Variants in DARS2 observed in about 807,000 individuals in gnomAD.
DARS2 encodes the protein aspartate--tRNA ligase, mitochondrial.
DARS2 carries 63 observed loss-of-function variants against 83.0 expected under a neutral mutation model. The observed-to-expected ratio is 0.76, with a 90% CI of 0.62 to 0.94. The LOEUF is 0.94. DARS2 is among the 40% of genes least tolerant of loss of function. The probability of loss-of-function intolerance (pLI) is 0.00; values close to 1 mark genes in which losing one functional copy is unlikely to be tolerated. For missense variants in DARS2, 675 were observed against 774.4 expected (o/e 0.87, Z 1.52); for synonymous variants, 250 against 269.3 (o/e 0.93, Z 0.70).
intron 2 of DARS2, among the ~76,000 whole-genome samples, chr1:173,827,084 G>A (rs1347459367): frequency 6.6e-6 from 1 of 152,148 alleles, no homozygotes; most frequent in East Asian, 1.9e-4. Context: ...GGCTTACTAA[G>A]ACTGAAGAGT....
chr1:173,832,731 T>C (rs1242369982), intron 5 of DARS2, among the ~76,000 whole-genome samples: 1 of 142,800 alleles, frequency 7.0e-6, no homozygotes, highest in East Asian at 2.0e-4. Context: ...ATCATGCCAC[T>C]GCACTCCAGC....
chr1:173,828,100 C>T (rs1652651569), intron 2 of DARS2, among the ~76,000 whole-genome samples: 1 of 151,728 alleles, frequency 6.6e-6, no homozygotes, highest in East Asian at 1.9e-4. Context: ...AAAATTGAAA[C>T]TGAAATAAAA....
chr1:173,831,169 C>T (rs976050217), intron 4 of DARS2, among the ~76,000 whole-genome samples: 1 of 151,682 alleles, frequency 6.6e-6, no homozygotes, highest in Non-Finnish European at 1.5e-5. Flanking sequence ...CCCATCTCAG[C>T]CTCCCAAAGT....
Position 173,825,281 on chromosome 1 carries a change from A to G in DARS2, c.52A>G (p.Ile18Val). The G allele has an allele frequency of 1.9e-6, 3 of 1,613,776 alleles. No individual in the cohort carries two copies. The highest frequency in any genetic ancestry group is 1.1e-5 in the South Asian group (1 of 91,080). ...SQLYRGLSRP[I>V]RRTTQPIWGS... ...GCTGTACAGGGGTTTATCCAGACCC[A>G]TCAGAAGGACCACCCAACCGATCTG... Residue 18 changes from isoleucine to valine, a missense_variant, in exon 1 of 17, where the codon ATC becomes GTC. Ile to Val is a conservative substitution (Grantham distance 29). Transcript: ENST00000649689.
chr1:173,848,605 T>C (rs1246780303), intron 12 of DARS2, among the ~76,000 whole-genome samples: 1 of 152,242 alleles, frequency 6.6e-6, no homozygotes, highest in Admixed American at 6.5e-5. Context: ...CTTTACTTTC[T>C]TCTCCCATCT....
chr1:173,851,379 G>GA (rs1185861887), intron 13 of DARS2, among the ~76,000 whole-genome samples: 1 of 151,930 alleles, frequency 6.6e-6, no homozygotes, highest in Non-Finnish European at 1.5e-5. Context: ...ATATAACCAT[G>GA]AAAAAATATT....
chr1:173,849,459 G>T (rs1269670503), intron 12 of DARS2, among the ~76,000 whole-genome samples: 1 of 150,380 alleles, frequency 6.6e-6, no homozygotes, highest in Non-Finnish European at 1.5e-5. Context: ...GCTTGAACCC[G>T]AGAGGCAGAC....
chr1:173,827,210 A>G (rs921272194), intron 2 of DARS2, among the ~76,000 whole-genome samples: 4 of 152,240 alleles, frequency 2.6e-5, no homozygotes, highest in Non-Finnish European at 4.4e-5. Context: ...GCCTAGAAAC[A>G]TAAACAGTGA....
chr1:173,841,009 T>C (rs112376274), intron 11 of DARS2, 36 bp downstream of exon 11: 2 of 1,237,370 alleles, frequency 1.6e-6, no homozygotes. Context: ...CTCTAGAATG[T>C]ATGCTTTGGA....
intron 13 of DARS2, among the ~76,000 whole-genome samples, chr1:173,851,438 T>G (rs1223097288): frequency 6.6e-6 from 1 of 152,104 alleles, no homozygotes; most frequent in Admixed American, 6.6e-5. Context: ...TCTCAAATTT[T>G]TATACATCAT....
In DARS2 at chr1:173,844,669, C is replaced by CAAAAAAAAA. The variant is rs549839808; in HGVS notation, c.1129-529_1129-521dup. 5.3e-4 allele frequency among the ~76,000 whole-genome samples: 16 copies of CAAAAAAAAA among 29,926 alleles called. 1 individual carries two copies. Among genetic ancestry groups the CAAAAAAAAA allele is most frequent in the Admixed American group, 1.7e-3 (2 of 1,188 alleles). The allele number at this position is 29,926 out of a possible 152,430, so 19.6% of individuals were successfully genotyped here. On this transcript the variant is annotated intron_variant, in intron 11 of 16. Coordinates refer to ENST00000649689, the MANE Select transcript of DARS2 (RefSeq NM_018122.5). ...TGGGTGACAGAGCTAGACTCCATCGCAAAAAAAAAAAAAAAAAAAAAAAAA... is the reference window on the plus strand; with the variant it reads ...TGGGTGACAGAGCTAGACTCCATCGCAAAAAAAAAAAAAAAAAAAAAAAAAAAAAAAAAA...
Position 173,825,060 on chromosome 1 carries a change from T to C in DARS2, c.-170T>C. ...CCCCAGAGACCTTGGAGATTTGTCT[T>C]GTTTCTAGACACGTGTACTCCAATG... On this transcript the variant is annotated 5_prime_UTR_variant, in exon 1 of 17. Coordinates refer to ENST00000649689, the MANE Select transcript of DARS2 (RefSeq NM_018122.5). 1.1e-6 allele frequency: 1 copy of C among 927,888 alleles called. No individual in the cohort carries two copies. Among genetic ancestry groups the C allele is most frequent in the Non-Finnish European group, 1.6e-6 (1 of 612,048 alleles). 57.5% of individuals were successfully genotyped at this position (927,888 alleles called of 1,614,324 possible).
At chr1:173,849,371 T>C (rs1653560556) in intron 12 of DARS2, among the ~76,000 whole-genome samples, 1 of 151,742 alleles carries the variant, frequency 6.6e-6, no homozygotes, top group Non-Finnish European at 1.5e-5. Flanking sequence ...CCGTCTCTAC[T>C]AAAAATACAA....
chr1:173,849,247 G>A (rs925100891), intron 12 of DARS2, among the ~76,000 whole-genome samples: 8 of 151,320 alleles, frequency 5.3e-5, no homozygotes, highest in Non-Finnish European at 7.4e-5. Flanking sequence ...TTAAAAGCTG[G>A]TTGGGGCCGG....
intron 1 of DARS2, among the ~76,000 whole-genome samples, chr1:173,825,981 G>C (rs1652526849): frequency 6.6e-6 from 1 of 151,244 alleles, no homozygotes; most frequent in Non-Finnish European, 1.5e-5. Context: ...CCAGCACTTT[G>C]GGAGGTCGAG....
At chr1:173,834,974 G>A (rs1019383260) in intron 7 of DARS2, among the ~76,000 whole-genome samples, 5 of 151,300 alleles carry the variant, frequency 3.3e-5, no homozygotes, top group African/African-American at 7.3e-5. Context: ...TAGAGACGGA[G>A]TTTCACCGTT....
Position 173,832,466 on chromosome 1 carries a change from T to A in DARS2, c.492+836T>A, listed in dbSNP as rs566706292. Among the ~76,000 whole-genome samples, 4 of 152,264 alleles carry A rather than the reference T, an allele frequency of 2.6e-5. No individual in the cohort carries two copies. In the East Asian group the frequency reaches 7.7e-4, roughly 29 times the overall value. On this transcript the variant is annotated intron_variant, in intron 5 of 16. Coordinates refer to ENST00000649689, the MANE Select transcript of DARS2 (RefSeq NM_018122.5). ...GCACAAAGAGGGATGCAGAGATTTG[T>A]AGCCTTGAAAATAAGCAAACTAGGC... is the stretch of plus-strand genomic sequence containing the variant.
chr1:173,826,802 C>T lies in DARS2; in HGVS notation c.227+16C>T, dbSNP rs768493501. The T allele has an allele frequency of 5.7e-6, 9 of 1,575,452 alleles. No homozygotes were observed. The highest frequency in any genetic ancestry group is 7.0e-6 in the Non-Finnish European group (8 of 1,145,140). On this transcript the variant is annotated intron_variant, in intron 2 of 16. Transcript: ENST00000649689. Reference sequence around the variant, plus strand: ...AGTACCGAAGGTAAATTGAGAAAGACAGTCTAAGAATGCATGGTGGTGGTT... The same window carrying T: ...AGTACCGAAGGTAAATTGAGAAAGATAGTCTAAGAATGCATGGTGGTGGTT...
chr1:173,851,723 TTA>T (rs1309476483), intron 13 of DARS2: 1 of 447,756 alleles, frequency 2.2e-6, no homozygotes, highest in Non-Finnish European at 2.9e-6. Context: ...TGATATAAAT[TTA>T]TTTTTTCACT....
Sources: allele counts gnomAD v4.1 joint callset (sites outside exome capture counted in the v4.1 genomes callset), GRCh38; gene constraint gnomAD v4.1.1; transcripts MANE v1.5; gene names NCBI Gene and HGNC (gene_info 2026-07-23, HGNC 2026-07-21).